LINGO2: variants seen among roughly 807,000 people sequenced by gnomAD.
LINGO2 encodes the protein leucine rich repeat and Ig domain containing 2.
Under a neutral mutation model 30.6 loss-of-function variants are expected in LINGO2, and 14 were observed. The observed-to-expected ratio is 0.46, with a 90% CI of 0.30 to 0.72. The LOEUF (loss-of-function observed/expected upper bound fraction) is 0.72. Among genes scored for constraint, LINGO2 ranks in the 30% least tolerant of loss-of-function variants. The pLI is 0.07. For synonymous variants in LINGO2, 317 were observed against 288.5 expected, an observed-to-expected ratio of 1.10 and a Z score of -1.00; for missense variants, 729 against 751.7, an observed-to-expected ratio of 0.97 and a Z score of 0.35.
At chr9:28,734,904 C>CT in the LINGO2 span, among the ~76,000 whole-genome samples, 1 of 152,214 alleles carries the variant, frequency 6.6e-6, no homozygotes, top group Non-Finnish European at 1.5e-5. Context: ...GTATATGCTT[C>CT]TTTTTTGTAG....
At chr9:28,332,349 C>A (rs1311967648) in intron 3 of LINGO2, among the ~76,000 whole-genome samples, 1 of 152,092 alleles carries the variant, frequency 6.6e-6, no homozygotes, top group Non-Finnish European at 1.5e-5. Flanking sequence ...ATCCAAGGCG[C>A]TACACTGAGC....
At chr9:28,677,028 T>C in the LINGO2 span, among the ~76,000 whole-genome samples, 2 of 152,100 alleles carry the variant, frequency 1.3e-5, no homozygotes, top group African/African-American at 4.8e-5. Flanking sequence ...TAATTAACGG[T>C]TACTGAATGC....
chr9:28,020,531 AAAAACAAAAC>A (rs138914532), intron 4 of LINGO2, among the ~76,000 whole-genome samples: 114,095 of 148,476 alleles, frequency 0.77, 44,297 homozygotes, highest in Non-Finnish European at 0.85. Flanking sequence ...TCTGTCTTAT[AAAAACAAAAC>A]AAAACAAAAC....
At chr9:28,041,518 G>A (rs16912370) in intron 4 of LINGO2, among the ~76,000 whole-genome samples, 2,958 of 152,230 alleles carry the variant, frequency 0.019, 96 homozygotes, top group African/African-American at 0.067. Context: ...GCTACTTAGA[G>A]GAAAATTGGC....
chr9:28,942,033 C>T, the LINGO2 span, among the ~76,000 whole-genome samples: 1 of 152,070 alleles, frequency 6.6e-6, no homozygotes, highest in African/African-American at 2.4e-5. Context: ...CTGACTCTTC[C>T]CTTTTTTAAA....
At chr9:28,281,697 G>C (rs1052174828) in intron 4 of LINGO2, among the ~76,000 whole-genome samples, 2 of 152,004 alleles carry the variant, frequency 1.3e-5, no homozygotes, top group African/African-American at 4.8e-5. Flanking sequence ...TACAAGGATA[G>C]GTGATATCAC....
At chr9:28,118,473 C>T (rs1168754992) in intron 4 of LINGO2, among the ~76,000 whole-genome samples, 1 of 152,136 alleles carries the variant, frequency 6.6e-6, no homozygotes, top group Non-Finnish European at 1.5e-5. Flanking sequence ...GGCAGTGCTT[C>T]TAACAGTGCA....
At chr9:28,865,956 C>A in the LINGO2 span, among the ~76,000 whole-genome samples, 1 of 152,128 alleles carries the variant, frequency 6.6e-6, no homozygotes, top group Non-Finnish European at 1.5e-5. Context: ...TGTTGCTATT[C>A]TTTCACTAAA....
chr9:29,144,276 C>CT, the LINGO2 span, among the ~76,000 whole-genome samples: 25 of 151,778 alleles, frequency 1.6e-4, no homozygotes, highest in Non-Finnish European at 3.4e-4. Context: ...TTTAAAATAG[C>CT]TTTTTTAAAA....
chr9:28,675,053 G>T (rs1428492015), upstream of LINGO2, among the ~76,000 whole-genome samples: 2 of 152,136 alleles, frequency 1.3e-5, no homozygotes, highest in Non-Finnish European at 2.9e-5. Context: ...ACAGAAGGAA[G>T]AAGAGAAATA....
intron 2 of LINGO2, among the ~76,000 whole-genome samples, chr9:28,461,538 C>A (rs185863492): frequency 2.2e-4 from 33 of 152,214 alleles, no homozygotes; most frequent in Admixed American, 1.9e-3. Context: ...ATGTTAGATT[C>A]TTAAAGATGT....
intron 3 of LINGO2, among the ~76,000 whole-genome samples, chr9:28,347,129 A>G (rs923247002): frequency 5.9e-5 from 9 of 152,196 alleles, no homozygotes; most frequent in African/African-American, 2.2e-4. Flanking sequence ...CTTTAAGGAT[A>G]TAGGATGTGA....
the LINGO2 span, among the ~76,000 whole-genome samples, chr9:28,950,117 C>A: frequency 6.6e-6 from 1 of 152,172 alleles, no homozygotes; most frequent in Non-Finnish European, 1.5e-5. Flanking sequence ...CGTAATCCAC[C>A]ACATAAACAG....
At chr9:29,038,822 T>C in the LINGO2 span, among the ~76,000 whole-genome samples, 5 of 152,220 alleles carry the variant, frequency 3.3e-5, no homozygotes, top group East Asian at 5.8e-4. Flanking sequence ...AAGTAAACTA[T>C]TGCAATACTG....
chr9:27,960,030 C>A (rs564410708), intron 5 of LINGO2, among the ~76,000 whole-genome samples: 8 of 151,700 alleles, frequency 5.3e-5, no homozygotes, highest in Non-Finnish European at 8.8e-5. Flanking sequence ...AGTAATGTTC[C>A]TTGTTTTTAA....
the LINGO2 span, among the ~76,000 whole-genome samples, chr9:29,210,702 T>G: frequency 6.6e-6 from 1 of 152,212 alleles, no homozygotes; most frequent in Admixed American, 6.5e-5. Flanking sequence ...AGTAAAATTA[T>G]ATAAAAATAT....
intron 5 of LINGO2, among the ~76,000 whole-genome samples, chr9:27,968,369 G>A (rs10968236): frequency 0.014 from 2,153 of 152,034 alleles, 60 homozygotes; most frequent in African/African-American, 0.05. Flanking sequence ...GGACTATTAT[G>A]CAGGAATTAA....
chr9:28,623,406 A>C (rs1022964637), intron 1 of LINGO2, among the ~76,000 whole-genome samples: 1 of 152,126 alleles, frequency 6.6e-6, no homozygotes, highest in African/African-American at 2.4e-5. Flanking sequence ...ATTCTTCTGC[A>C]TATGGATATC....
At chr9:28,199,321 ATCT>A (rs547009763) in intron 4 of LINGO2, among the ~76,000 whole-genome samples, 4,258 of 138,752 alleles carry the variant, frequency 0.031, 305 homozygotes, top group African/African-American at 0.11. Flanking sequence ...ACTACGGGCT[ATCT>A]TCTTCTTCTT....
Sources: allele counts gnomAD v4.1 joint callset (sites outside exome capture counted in the v4.1 genomes callset), GRCh38; gene constraint gnomAD v4.1.1; transcripts MANE v1.5; gene names NCBI Gene and HGNC (gene_info 2026-07-23, HGNC 2026-07-21).